TSBP1: variants seen among roughly 807,000 people sequenced by gnomAD.
The protein encoded by TSBP1 is testis-expressed basic protein 1.
TSBP1 carries 56 observed loss-of-function variants against 68.8 expected under a neutral mutation model. The ratio of observed to expected loss-of-function variants is 0.81; its 90% CI spans 0.66 to 1.02. The LOEUF (loss-of-function observed/expected upper bound fraction) is 1.02. Ranked by LOEUF, TSBP1 falls within the 50% of genes least tolerant of loss-of-function variation. TSBP1 has a pLI of 0.00. For missense variants in TSBP1, 502 were observed against 641.2 expected, an observed-to-expected ratio of 0.78 and a Z score of 2.34; for synonymous variants, 171 against 208.7, an observed-to-expected ratio of 0.82 and a Z score of 1.56.
Position 32,304,255 on chromosome 6 carries a change from C to T in TSBP1, c.581-1626G>A, listed in dbSNP as rs577942015. The stretch of plus-strand genomic sequence containing the variant: ...TAGAAACCAAAAACAACAAAAGTGT[C>T]AGTGCAAATAAAGGAATCGAGATGC... On this transcript the variant is annotated intron_variant, in intron 19 of 22. Coordinates refer to ENST00000612031, the Ensembl canonical transcript of TSBP1. The surrounding 1 kb of genome is among the most constrained non-coding windows in gnomAD (Gnocchi z 4.8). Among the ~76,000 whole-genome samples the T allele has an allele frequency of 6.6e-6, 1 of 152,224 alleles. No homozygotes were observed. The highest frequency in any genetic ancestry group is 2.4e-5 in the African/African-American group (1 of 41,532).
chr6:32,369,373 A>ATGTTTTTTTTTTTTTTTTTTT (rs1774130194), intron 2 of TSBP1, among the ~76,000 whole-genome samples: 1 of 127,018 alleles, frequency 7.9e-6, no homozygotes, highest in African/African-American at 2.9e-5. Flanking sequence ...AAACTCTGTG[A>ATGTTTTTTTTTTTTTTTTTTT]TTTTTTTTTT....
At chr6:32,330,707 G>T (rs1003880) in intron 15 of TSBP1, 98 bp from the exon 17 acceptor site, 344,872 of 1,381,870 alleles carry the variant, frequency 0.25, 45,809 homozygotes, top group African/African-American at 0.43. Flanking sequence ...CTCTCACTCT[G>T]TCGCCCAGGC....
In TSBP1 at chr6:32,358,588, C is replaced by G. The variant is rs555751547; in HGVS notation, c.218-2919G>C. The stretch of plus-strand genomic sequence containing the variant: ...GCTCCCCTCACCCCACAACAGGCCC[C>G]GGTGTGTGATGTTCCCCTTCCTGTG... On this transcript the variant is annotated intron_variant, in intron 6 of 22. Coordinates refer to ENST00000612031, the Ensembl canonical transcript of TSBP1. Among the ~76,000 whole-genome samples the G allele has an allele frequency of 2.6e-5, 4 of 151,950 alleles. No individual in the cohort carries two copies. The East Asian group carries it at 5.8e-4, about 22-fold the overall frequency.
At chr6:32,330,244 G>A (rs1768807331) in intron 16 of TSBP1, among the ~76,000 whole-genome samples, 1 of 151,904 alleles carries the variant, frequency 6.6e-6, no homozygotes, top group Non-Finnish European at 1.5e-5. Context: ...CCTCCTCATT[G>A]TCTCCTCCAT....
At chr6:32,305,540 A>G (rs114613584) in intron 19 of TSBP1, among the ~76,000 whole-genome samples, 6,002 of 152,262 alleles carry the variant, frequency 0.039, 339 homozygotes, top group African/African-American at 0.12. Context: ...ATAAATAAAA[A>G]CTGTCTTCTT....
chr6:32,336,772 G>T lies in TSBP1; in HGVS notation c.410-137C>A. ...GTGGGACTGCAGATGATCTTAGCCT[G>T]GAAGCTGCATAACCCTCCTACCAGA... On this transcript the variant is annotated intron_variant, in intron 11 of 22. Coordinates refer to ENST00000612031, the Ensembl canonical transcript of TSBP1. This position sits in a 1 kb window ranked among gnomAD's most constrained non-coding sequence, Gnocchi z 5.2. The T allele has an allele frequency of 1.4e-6, 1 of 706,216 alleles. No homozygotes were observed. Among genetic ancestry groups the T allele is most frequent in the Non-Finnish European group, 2.5e-6 (1 of 404,518 alleles). 43.7% of individuals were successfully genotyped at this position (706,216 alleles called of 1,614,324 possible).
In TSBP1 at chr6:32,302,291, A is replaced by G. The variant is rs2127564730; in HGVS notation, c.601+318T>C. On this transcript the variant is annotated intron_variant, in intron 20 of 22. Coordinates refer to ENST00000612031, the Ensembl canonical transcript of TSBP1. This position sits in a 1 kb window ranked among gnomAD's most constrained non-coding sequence, Gnocchi z 5.1. ...AACATAGCAAGACTCAGTTTCTACA[A>G]AAAATAAAAAAAAGTTAGCCAAGCA... Among the ~76,000 whole-genome samples the G allele has an allele frequency of 6.6e-6, 1 of 152,162 alleles. No homozygotes were observed. Among genetic ancestry groups the G allele is most frequent in the East Asian group, 1.9e-4 (1 of 5,170 alleles).
Position 32,335,390 on chromosome 6 carries a change from T to A in TSBP1, c.472+47A>T. On this transcript the variant is annotated intron_variant, in intron 14 of 22. Transcript: ENST00000612031. This position sits in a 1 kb window ranked among gnomAD's most constrained non-coding sequence, Gnocchi z 5.5. ...TTGAAATAAAAATAGATTGATGTTC[T>A]AAGTAAAGTACTAAAAGGCATTATA... 1 of 1,479,394 alleles carries A rather than the reference T, an allele frequency of 6.8e-7. No individual in the cohort carries two copies. The highest frequency in any genetic ancestry group is 9.0e-7 in the Non-Finnish European group (1 of 1,110,494). 91.6% of individuals were successfully genotyped at this position (1,479,394 alleles called of 1,614,324 possible).
chr6:32,365,366 G>C lies in TSBP1; in HGVS notation c.217+801C>G, dbSNP rs1430105055. The C allele has an allele frequency of 8.7e-6, 4 of 457,156 alleles. No homozygotes were observed. Among genetic ancestry groups the C allele is most frequent in the Non-Finnish European group, 1.8e-5 (4 of 227,116 alleles). The allele number at this position is 457,156 out of a possible 1,614,324, so 28.3% of individuals were successfully genotyped here. ...GAGATGTTTCCTTTTGTTGTCCATG[G>C]TGGCTCATTTGGGGACTCAGCCTAG... On this transcript the variant is annotated intron_variant, in intron 6 of 22. Transcript: ENST00000612031. This position sits in a 1 kb window ranked among gnomAD's most constrained non-coding sequence, Gnocchi z 4.3.
chr6:32,344,604 C>A (rs2127618775), intron 9 of TSBP1, among the ~76,000 whole-genome samples: 1 of 152,186 alleles, frequency 6.6e-6, no homozygotes, highest in East Asian at 1.9e-4. Context: ...CAGCGTTAAT[C>A]CCCCTTTGAA....
intron 9 of TSBP1, among the ~76,000 whole-genome samples, chr6:32,347,758 G>A (rs973314582): frequency 1.4e-5 from 2 of 144,076 alleles, no homozygotes; most frequent in Non-Finnish European, 3.1e-5. Flanking sequence ...ACTCCTCCAC[G>A]ATCTTTCACA....
chr6:32,328,604 A>G (rs1243992186), intron 16 of TSBP1, among the ~76,000 whole-genome samples: 1 of 149,248 alleles, frequency 6.7e-6, no homozygotes, highest in African/African-American at 2.5e-5. Flanking sequence ...TTTAGTAGAG[A>G]CGAAGTTTCA....
intron 2 of TSBP1, among the ~76,000 whole-genome samples, chr6:32,369,247 G>A (rs1289841421): frequency 1.3e-5 from 2 of 150,142 alleles, no homozygotes; most frequent in East Asian, 3.9e-4. Flanking sequence ...TATAATACTA[G>A]ATACTGGTGT....
At chr6:32,366,879 G>C (rs1441844824) in intron 4 of TSBP1, among the ~76,000 whole-genome samples, 7 of 151,674 alleles carry the variant, frequency 4.6e-5, no homozygotes, top group Admixed American at 4.6e-4. Flanking sequence ...AAATAAAGAG[G>C]GAATGCCATG....
rs376697893 is a variant in TSBP1, at chr6:32,335,285, G to T, written c.472+152C>A. 1.8e-6 allele frequency: 1 copy of T among 541,004 alleles called. No homozygotes were observed. The highest frequency in any genetic ancestry group is 3.0e-6 in the Non-Finnish European group (1 of 338,806). The allele number at this position is 541,004 out of a possible 1,614,324, so 33.5% of individuals were successfully genotyped here. A position where few individuals can be genotyped will look rare whatever the true frequency, so the allele number is the denominator to read the frequency against. ...TTAATATATTTTTATTGCAGAACCT[G>T]GATGAGTCCAATCTGGAGTACTGGG... On this transcript the variant is annotated intron_variant, in intron 14 of 22. Coordinates refer to ENST00000612031, the Ensembl canonical transcript of TSBP1. This position sits in a 1 kb window ranked among gnomAD's most constrained non-coding sequence, Gnocchi z 5.5.
intron 6 of TSBP1, among the ~76,000 whole-genome samples, chr6:32,359,836 T>C (rs879641437): frequency 2.0e-5 from 3 of 152,164 alleles, no homozygotes; most frequent in Non-Finnish European, 2.9e-5. Flanking sequence ...AGTTAGCATT[T>C]GTGAGATCTG....
intron 14 of TSBP1, chr6:32,334,069 T>G (rs1382197092): frequency 5.5e-6 from 1 of 182,950 alleles, no homozygotes; most frequent in Non-Finnish European, 1.2e-5. Flanking sequence ...ACTAAATCCT[T>G]GGATAGGTGA....
intron 14 of TSBP1, among the ~76,000 whole-genome samples, chr6:32,332,671 G>A (rs569698774): frequency 4.5e-4 from 68 of 150,704 alleles, no homozygotes; most frequent in Admixed American, 3.6e-3. Flanking sequence ...ATGCAGTGGT[G>A]CAATCCTAGC....
intron 17 of TSBP1, 194 bp downstream of exon 18, chr6:32,323,397 T>G: frequency 9.7e-6 from 7 of 718,188 alleles, no homozygotes; most frequent in South Asian, 6.0e-5. Flanking sequence ...AGTAAATATA[T>G]GTTTGAAATT....
Sources: allele counts gnomAD v4.1 joint callset (sites outside exome capture counted in the v4.1 genomes callset), GRCh38; gene constraint gnomAD v4.1.1; non-coding constraint Gnocchi (gnomAD v3.1); transcripts MANE v1.5; gene names NCBI Gene and HGNC (gene_info 2026-07-23, HGNC 2026-07-21).